Variants in CTNNA3 observed in about 807,000 individuals in gnomAD.
CTNNA3 encodes the protein catenin alpha-3.
In CTNNA3, 76 loss-of-function variants were observed where a neutral mutation model predicts 95.7. The ratio of observed to expected loss-of-function variants is 0.79; its 90% CI spans 0.66 to 0.96. CTNNA3 has a LOEUF of 0.96. Ranked by LOEUF, CTNNA3 falls within the 40% of genes least tolerant of loss-of-function variation. The probability of loss-of-function intolerance (pLI) is 0.00; values close to 1 mark genes in which losing one functional copy is unlikely to be tolerated. For synonymous variants in CTNNA3, 431 were observed against 374.4 expected (o/e 1.15, Z -1.74); for missense variants, 1,191 against 1,089.8 (o/e 1.09, Z -1.31).
intron 14 of CTNNA3, among the ~76,000 whole-genome samples, chr10:66,076,755 C>T (rs2080570599): frequency 6.6e-6 from 1 of 151,644 alleles, no homozygotes; most frequent in Admixed American, 6.6e-5. Flanking sequence ...CATTTGTTCA[C>T]ACTTCCAGTA....
At chr10:65,952,952 G>T (rs1409935957) in intron 17 of CTNNA3, among the ~76,000 whole-genome samples, 1 of 152,162 alleles carries the variant, frequency 6.6e-6, no homozygotes, top group Admixed American at 6.5e-5. Flanking sequence ...GAACAGAGTG[G>T]TTACATAATT....
At chr10:67,257,214 T>C (rs1866388667) in intron 5 of CTNNA3, among the ~76,000 whole-genome samples, 1 of 152,222 alleles carries the variant, frequency 6.6e-6, no homozygotes, top group Non-Finnish European at 1.5e-5. Context: ...GATAATTGCA[T>C]AGCTATAATT....
intron 7 of CTNNA3, among the ~76,000 whole-genome samples, chr10:67,039,060 T>A (rs1017635048): frequency 2.4e-4 from 36 of 152,204 alleles, no homozygotes; most frequent in Non-Finnish European, 4.4e-4. Context: ...TCAGCAGATA[T>A]GTTCTCCTTT....
At chr10:66,171,705 G>A (rs1417046702) in intron 13 of CTNNA3, among the ~76,000 whole-genome samples, 1 of 152,114 alleles carries the variant, frequency 6.6e-6, no homozygotes, top group East Asian at 1.9e-4. Flanking sequence ...AAGTATGGAA[G>A]AAATCGAGCA....
At chr10:67,136,956 A>G (rs1860333686) in intron 7 of CTNNA3, among the ~76,000 whole-genome samples, 1 of 152,168 alleles carries the variant, frequency 6.6e-6, no homozygotes, top group South Asian at 2.1e-4. Context: ...GGGGCATATA[A>G]AAAGGACCAG....
In CTNNA3 at chr10:66,209,329, A is replaced by C. The variant is rs983702982; in HGVS notation, c.1884+71141T>G. ...CTCTAGTGAGGACAAAGACAAACAA[A>C]TAAATTAGTAAATGATATAGAATTA... is the stretch of plus-strand genomic sequence containing the variant. On this transcript the variant is annotated intron_variant, in intron 13 of 17. Coordinates refer to ENST00000433211, the MANE Select transcript of CTNNA3 (RefSeq NM_013266.4). Among the ~76,000 whole-genome samples, 26 of 152,322 alleles carry C rather than the reference A, an allele frequency of 1.7e-4. 1 individual carries two copies. The highest frequency in any genetic ancestry group is 6.3e-4 in the African/African-American group (26 of 41,588).
intron 7 of CTNNA3, among the ~76,000 whole-genome samples, chr10:66,812,192 T>A (rs1841907209): frequency 6.6e-6 from 1 of 152,088 alleles, no homozygotes; most frequent in Admixed American, 6.6e-5. Flanking sequence ...ATAAGGCAAA[T>A]GAAACCGGAG....
intron 13 of CTNNA3, among the ~76,000 whole-genome samples, chr10:66,104,519 T>A (rs1378975462): frequency 6.6e-6 from 1 of 152,136 alleles, no homozygotes; most frequent in Admixed American, 6.5e-5. Flanking sequence ...GAATGTGAAG[T>A]CTGAGATTTT....
Position 66,256,190 on chromosome 10 carries a change from C to T in CTNNA3, c.1884+24280G>A, listed in dbSNP as rs142911684. On this transcript the variant is annotated intron_variant, in intron 13 of 17. Coordinates refer to ENST00000433211, the MANE Select transcript of CTNNA3 (RefSeq NM_013266.4). ...AAATTATGAGAAGTCAGTTAGGAGC[C>T]ATCTGAGAATCCTGCCCTTTTACAA... Among the ~76,000 whole-genome samples, 1,015 of 152,234 alleles carry T rather than the reference C, an allele frequency of 6.7e-3. 6 individuals are homozygous for T. Among genetic ancestry groups the T allele is most frequent in the Non-Finnish European group, 0.01 (700 of 68,024 alleles).
At chr10:67,752,657 T>C (rs1258769842) in intron 1 of CTNNA3, among the ~76,000 whole-genome samples, 1 of 152,038 alleles carries the variant, frequency 6.6e-6, no homozygotes, top group Non-Finnish European at 1.5e-5. Flanking sequence ...TGTGCAAAAA[T>C]CACAAGCATT....
intron 11 of CTNNA3, among the ~76,000 whole-genome samples, chr10:66,480,406 G>A (rs1276685686): frequency 6.6e-6 from 1 of 152,006 alleles, no homozygotes; most frequent in Non-Finnish European, 1.5e-5. Context: ...ATGTATTTCT[G>A]TGTCAGTGTA....
intron 11 of CTNNA3, among the ~76,000 whole-genome samples, chr10:66,506,288 T>A (rs1197075491): frequency 6.6e-6 from 1 of 152,136 alleles, no homozygotes. Flanking sequence ...GGGTTGAATG[T>A]CCAAACCACA....
At chr10:67,717,148 G>A (rs954507455) in intron 1 of CTNNA3, among the ~76,000 whole-genome samples, 1 of 151,992 alleles carries the variant, frequency 6.6e-6, no homozygotes, top group African/African-American at 2.4e-5. Context: ...CATATCCTTT[G>A]CCCACTTTTT....
intron 7 of CTNNA3, among the ~76,000 whole-genome samples, chr10:67,042,840 T>C (rs1352360757): frequency 1.3e-5 from 2 of 152,114 alleles, no homozygotes; most frequent in Non-Finnish European, 2.9e-5. Context: ...TTAGTTCCAA[T>C]GGAAATGTGA....
intron 7 of CTNNA3, among the ~76,000 whole-genome samples, chr10:67,093,585 A>G (rs1243241194): frequency 6.6e-6 from 1 of 151,828 alleles, no homozygotes; most frequent in Non-Finnish European, 1.5e-5. Context: ...TGTTTTTTTA[A>G]TGCCAGCTGG....
At chr10:67,420,636 T>C (rs1472725551) in intron 5 of CTNNA3, among the ~76,000 whole-genome samples, 1 of 152,168 alleles carries the variant, frequency 6.6e-6, no homozygotes, top group Non-Finnish European at 1.5e-5. Context: ...CTCACATTAT[T>C]ATATTTATTT....
chr10:66,866,412 C>G (rs1433316416), intron 7 of CTNNA3, among the ~76,000 whole-genome samples: 1 of 152,212 alleles, frequency 6.6e-6, no homozygotes, highest in African/African-American at 2.4e-5. Flanking sequence ...CATAATTGCT[C>G]AACATCTAGC....
chr10:66,542,337 C>T (rs1841884002), intron 10 of CTNNA3, among the ~76,000 whole-genome samples: 1 of 151,992 alleles, frequency 6.6e-6, no homozygotes, highest in South Asian at 2.1e-4. Flanking sequence ...GTGGTGATTC[C>T]TCAGGGGTCT....
Position 66,103,054 on chromosome 10 carries a change from G to T in CTNNA3, c.1977+103C>A, listed in dbSNP as rs546646934. On this transcript the variant is annotated intron_variant, in intron 14 of 17. Transcript: ENST00000433211. ...CATGTGCTTCACAGAACTAGCTCCA[G>T]ATCCAGGAGTCCCACCCATTAGAGG... 1.1e-4 allele frequency: 93 copies of T among 869,252 alleles called. 2 individuals are homozygous for T. Among genetic ancestry groups the T allele is most frequent in the South Asian group, 2.2e-4 (16 of 72,004 alleles). 53.8% of individuals were successfully genotyped at this position (869,252 alleles called of 1,614,324 possible). A position where few individuals can be genotyped will look rare whatever the true frequency, so the allele number is the denominator to read the frequency against.
Sources: allele counts gnomAD v4.1 joint callset (sites outside exome capture counted in the v4.1 genomes callset), GRCh38; gene constraint gnomAD v4.1.1; transcripts MANE v1.5; gene names NCBI Gene and HGNC (gene_info 2026-07-23, HGNC 2026-07-21).